The following PDE8B variants were observed in gnomAD, a reference collection of about 807,000 sequenced individuals.
PDE8B encodes high affinity cAMP-specific and IBMX-insensitive 3',5'-cyclic phosphodiesterase 8B.
Under a neutral mutation model 101.3 loss-of-function variants are expected in PDE8B, and 26 were observed. The observed-to-expected ratio is 0.26, with a 90% CI of 0.19 to 0.36. The LOEUF (loss-of-function observed/expected upper bound fraction) is 0.36. Among genes scored for constraint, PDE8B ranks in the 10% least tolerant of loss-of-function variants. The pLI is 1.00. For missense variants in PDE8B, 810 were observed against 1,163.1 expected (o/e 0.70, Z 4.42); for synonymous variants, 424 against 429.3 (o/e 0.99, Z 0.15).
chr5:77,189,612 A>G, the PDE8B span, among the ~76,000 whole-genome samples: 3 of 152,204 alleles, frequency 2.0e-5, no homozygotes, highest in African/African-American at 7.2e-5. Context: ...AGTGGGTGCA[A>G]AGGCCCTGAA....
intron 2 of PDE8B, among the ~76,000 whole-genome samples, chr5:77,322,164 T>G (rs1775215434): frequency 6.6e-6 from 1 of 151,926 alleles, no homozygotes; most frequent in African/African-American, 2.4e-5. Context: ...CTAGGGTGAT[T>G]AGGGTTGGGG....
intron 10 of PDE8B, among the ~76,000 whole-genome samples, chr5:77,361,705 A>G (rs941875730): frequency 1.3e-5 from 2 of 151,962 alleles, no homozygotes; most frequent in Admixed American, 6.6e-5. Flanking sequence ...TAGTAGAGAT[A>G]GGGTTTCACT....
At chr5:77,175,337 C>T in the PDE8B span, among the ~76,000 whole-genome samples, 19 of 152,324 alleles carry the variant, frequency 1.2e-4, no homozygotes, top group African/African-American at 4.3e-4. Context: ...TCTCCCAAGG[C>T]CTCCTCCCTG....
intron 10 of PDE8B, among the ~76,000 whole-genome samples, chr5:77,382,118 A>AAATCTTT (rs1481092934): frequency 6.6e-6 from 1 of 152,236 alleles, no homozygotes; most frequent in Non-Finnish European, 1.5e-5. Flanking sequence ...TTTATTATGA[A>AAATCTTT]AATCTTTAAC....
At chr5:77,219,476 C>T (rs996898814) in intron 1 of PDE8B, among the ~76,000 whole-genome samples, 1 of 152,016 alleles carries the variant, frequency 6.6e-6, no homozygotes, top group East Asian at 1.9e-4. Flanking sequence ...AAAAAGATGC[C>T]GTTCTGACGT....
At chr5:77,285,963 GTTC>G (rs1351744338) in intron 1 of PDE8B, among the ~76,000 whole-genome samples, 20 of 152,160 alleles carry the variant, frequency 1.3e-4, no homozygotes, top group African/African-American at 4.3e-4. Context: ...TTGGCTGAGA[GTTC>G]TTCTTTATTT....
At chr5:77,325,439 G>A in intron 2 of PDE8B, 100 bp from the exon 3 acceptor site, 1 of 1,059,644 alleles carries the variant, frequency 9.4e-7, no homozygotes, top group South Asian at 1.3e-5. Flanking sequence ...AAAGAGCTGG[G>A]ATTACAGGCA....
chr5:77,234,733 G>C (rs188340682), intron 1 of PDE8B, among the ~76,000 whole-genome samples: 1 of 152,122 alleles, frequency 6.6e-6, no homozygotes, highest in Non-Finnish European at 1.5e-5. Flanking sequence ...TCCAGACCAG[G>C]TGATTCTAAA....
chr5:77,087,207 C>A, the PDE8B span: 5 of 152,272 alleles, frequency 3.3e-5, no homozygotes, highest in Admixed American at 1.3e-4. Flanking sequence ...TTGTCCCGGA[C>A]GGAAAACCTC....
chr5:77,332,983 A>AATATAT (rs36015907), intron 5 of PDE8B, among the ~76,000 whole-genome samples: 204 of 150,872 alleles, frequency 1.4e-3, no homozygotes, highest in Admixed American at 3.7e-3. Context: ...CTGGCTTAAA[A>AATATAT]ATATATATAT....
chr5:77,268,334 A>G (rs961939356), intron 1 of PDE8B, among the ~76,000 whole-genome samples: 6 of 152,182 alleles, frequency 3.9e-5, no homozygotes, highest in Admixed American at 6.5e-5. Context: ...GGGGGTATCC[A>G]TCACTTCCTT....
chr5:77,423,258 C>A (rs1797073875), intron 20 of PDE8B, among the ~76,000 whole-genome samples: 1 of 152,134 alleles, frequency 6.6e-6, no homozygotes, highest in Non-Finnish European at 1.5e-5. Flanking sequence ...ATCCAGTCCA[C>A]CAATGATGGG....
intron 10 of PDE8B, among the ~76,000 whole-genome samples, chr5:77,390,917 G>T (rs1312351793): frequency 6.6e-6 from 1 of 152,154 alleles, no homozygotes. Flanking sequence ...CCTGTTCCAA[G>T]CAATGAGGAT....
At chr5:77,097,436 T>C in the PDE8B span, among the ~76,000 whole-genome samples, 5 of 151,792 alleles carry the variant, frequency 3.3e-5, no homozygotes, top group Non-Finnish European at 7.4e-5. Flanking sequence ...GTCCAGCTAC[T>C]TTTATATGAT....
chr5:77,395,325 C>T (rs1790795224), intron 10 of PDE8B, among the ~76,000 whole-genome samples: 1 of 151,414 alleles, frequency 6.6e-6, no homozygotes, highest in Non-Finnish European at 1.5e-5. Flanking sequence ...CTGTGTTAGC[C>T]AGGATGGTCT....
intron 17 of PDE8B, among the ~76,000 whole-genome samples, chr5:77,415,843 G>C (rs899669470): frequency 3.9e-5 from 6 of 152,146 alleles, no homozygotes; most frequent in Non-Finnish European, 8.8e-5. Context: ...TAGTATCTGA[G>C]CATACATGAA....
At chr5:77,111,636 G>T in the PDE8B span, among the ~76,000 whole-genome samples, 3 of 152,158 alleles carry the variant, frequency 2.0e-5, no homozygotes, top group East Asian at 5.8e-4. Context: ...CATATTATCT[G>T]ATTTAAGTAT....
At chr5:77,114,623 G>A in the PDE8B span, 4 of 151,990 alleles carry the variant, frequency 2.6e-5, no homozygotes, top group Non-Finnish European at 5.9e-5. Context: ...TAACAAACCT[G>A]CACGTTGTGC....
intron 1 of PDE8B, among the ~76,000 whole-genome samples, chr5:77,259,515 C>T (rs1228612480): frequency 6.6e-6 from 1 of 152,178 alleles, no homozygotes; most frequent in South Asian, 2.1e-4. Flanking sequence ...AGAGTTCTGC[C>T]TGGGAGGCCA....
Sources: allele counts gnomAD v4.1 joint callset (sites outside exome capture counted in the v4.1 genomes callset), GRCh38; gene constraint gnomAD v4.1.1; transcripts MANE v1.5; gene names NCBI Gene and HGNC (gene_info 2026-07-23, HGNC 2026-07-21).